LIMCH1: variants seen among roughly 807,000 people sequenced by gnomAD.
The protein encoded by LIMCH1 is LIM and calponin homology domains 1.
A neutral mutation model predicts 176.5 loss-of-function variants in LIMCH1; 113 were observed. The ratio of observed to expected loss-of-function variants is 0.64; its 90% CI spans 0.55 to 0.75. The LOEUF is 0.75. LIMCH1 is among the 30% of genes least tolerant of loss of function. LIMCH1 has a pLI of 0.00. For missense variants in LIMCH1, 1,674 were observed against 1,814.9 expected (o/e 0.92, Z 1.41); for synonymous variants, 619 against 645.9 (o/e 0.96, Z 0.63).
Position 41,593,956 on chromosome 4 carries a change from C to T in LIMCH1, c.-240-4964C>T, listed in dbSNP as rs895793702. On this transcript the variant is annotated intron_variant, in intron 1 of 31. Transcript: ENST00000503057. ...CTCTCTCTCTCTCCCTTCCCCCACA[C>T]GTGTGAACATATATATACATGCATA... Among the ~76,000 whole-genome samples, 8 of 151,926 alleles carry T rather than the reference C, an allele frequency of 5.3e-5. No individual in the cohort carries two copies. In the South Asian group the frequency reaches 1.7e-3, roughly 32 times the overall value.
At chr4:41,600,923 T>A (rs1041966782) in intron 2 of LIMCH1, among the ~76,000 whole-genome samples, 3 of 152,176 alleles carry the variant, frequency 2.0e-5, no homozygotes, top group Admixed American at 6.5e-5. Flanking sequence ...TCCTGTTGAT[T>A]TTTCCGTCTT....
At chr4:41,543,908 G>A (rs945380581) in intron 1 of LIMCH1, among the ~76,000 whole-genome samples, 4 of 152,160 alleles carry the variant, frequency 2.6e-5, no homozygotes, top group Non-Finnish European at 4.4e-5. Context: ...TAAAATGGGC[G>A]ATGGATTTTT....
At chr4:41,568,539 C>G (rs557247733) in intron 1 of LIMCH1, among the ~76,000 whole-genome samples, 3 of 152,054 alleles carry the variant, frequency 2.0e-5, no homozygotes, top group Non-Finnish European at 1.5e-5. Flanking sequence ...AAAACTAATG[C>G]GAGAAAAATA....
At chr4:41,450,825 T>A (rs962899745) in intron 1 of LIMCH1, among the ~76,000 whole-genome samples, 34 of 135,516 alleles carry the variant, frequency 2.5e-4, no homozygotes, top group African/African-American at 9.5e-4. Context: ...AAAAAAAAAG[T>A]TGTAGGGGAT....
At chr4:41,475,420 T>A (rs1247855937) in intron 1 of LIMCH1, among the ~76,000 whole-genome samples, 2 of 152,180 alleles carry the variant, frequency 1.3e-5, no homozygotes, top group African/African-American at 4.8e-5. Context: ...CTGGAGCCAG[T>A]TCATATGACT....
chr4:41,416,006 C>T (rs4076009), intron 1 of LIMCH1, among the ~76,000 whole-genome samples: 86,330 of 151,678 alleles, frequency 0.57, 27,892 homozygotes, highest in East Asian at 0.82. Flanking sequence ...ACTTGCCCAC[C>T]GATTAAACTG....
intron 1 of LIMCH1, among the ~76,000 whole-genome samples, chr4:41,571,911 C>G (rs2083624328): frequency 6.6e-6 from 1 of 152,068 alleles, no homozygotes; most frequent in Non-Finnish European, 1.5e-5. Context: ...GCCTGAAATT[C>G]CTTGAGGGGT....
chr4:41,450,231 A>G (rs1271817519), intron 1 of LIMCH1, among the ~76,000 whole-genome samples: 1 of 152,198 alleles, frequency 6.6e-6, no homozygotes, highest in African/African-American at 2.4e-5. Flanking sequence ...CTAGTTAGGA[A>G]CAAGATATAT....
intron 25 of LIMCH1, among the ~76,000 whole-genome samples, chr4:41,681,781 CATCCTGCAT>C (rs1242567797): frequency 6.6e-6 from 1 of 152,182 alleles, no homozygotes; most frequent in Non-Finnish European, 1.5e-5. Flanking sequence ...CAAACCTGCA[CATCCTGCAT>C]ATGTACCCCA....
intron 2 of LIMCH1, chr4:41,494,679 T>A: frequency 2.1e-6 from 2 of 952,396 alleles, no homozygotes; most frequent in Non-Finnish European, 3.2e-6. Flanking sequence ...GCTGTAAGAC[T>A]TCTAGTGTTT....
At chr4:41,514,945 GAGATTGTGTC>G (rs1448605668) in intron 2 of LIMCH1, among the ~76,000 whole-genome samples, 1 of 152,230 alleles carries the variant, frequency 6.6e-6, no homozygotes, top group Admixed American at 6.5e-5. Context: ...AACCACATCT[GAGATTGTGTC>G]AGCCCCACTG....
rs781324916 is a variant in LIMCH1 at position 41,662,860 on chromosome 4, C to A, written c.3167C>A (p.Pro1056Gln). ...ACAACAACTGTGACTCGATGCAGCC[C>A]GACCGTGGCCTTTGTGGAATTTCCC... is the stretch of plus-strand genomic sequence containing the variant. ...HFTTTVTRCS[P>Q]TVAFVEFPSS... Residue 1056 changes from proline (P) to glutamine (Q), a missense_variant, in exon 20 of 32, where the codon CCG becomes CAG. Around this residue, in one of 3 missense-constraint regions of LIMCH1, gnomAD observed 1,015 missense variants for 1,102.5 expected, o/e 0.92. Coordinates refer to ENST00000503057, the MANE Select transcript of LIMCH1 (RefSeq NM_001330672.2). The A allele has an allele frequency of 6.2e-7, 1 of 1,614,008 alleles. No homozygotes were observed. The highest frequency in any genetic ancestry group is 8.5e-7 in the Non-Finnish European group (1 of 1,179,972).
chr4:41,456,947 G>A (rs1470574981), intron 1 of LIMCH1, among the ~76,000 whole-genome samples: 2 of 152,130 alleles, frequency 1.3e-5, no homozygotes, highest in African/African-American at 2.4e-5. Flanking sequence ...GTTTCAAGGT[G>A]TGAAGACAAT....
At chr4:41,372,143 T>C (rs1218273813) in intron 1 of LIMCH1, among the ~76,000 whole-genome samples, 2 of 152,204 alleles carry the variant, frequency 1.3e-5, no homozygotes, top group Non-Finnish European at 1.5e-5. Flanking sequence ...TTTCCTCTCA[T>C]CTCCATAATG....
At chr4:41,448,607 A>G (rs2063518025) in intron 1 of LIMCH1, among the ~76,000 whole-genome samples, 1 of 152,138 alleles carries the variant, frequency 6.6e-6, no homozygotes. Context: ...CATTTTATCA[A>G]TTTAAAATAT....
chr4:41,633,175 G>A, intron 12 of LIMCH1, 90 bp downstream of exon 12: 1 of 878,752 alleles, frequency 1.1e-6, no homozygotes, highest in Non-Finnish European at 1.8e-6. Context: ...TAAAGTCACA[G>A]TCTGCACCTG....
chr4:41,459,796 A>G (rs371007776), intron 1 of LIMCH1, among the ~76,000 whole-genome samples: 49 of 152,266 alleles, frequency 3.2e-4, no homozygotes, highest in African/African-American at 1.0e-3. Flanking sequence ...AGGGGCTGCT[A>G]AGTGGGAGCT....
chr4:41,440,854 A>G (rs1328198069), intron 1 of LIMCH1, among the ~76,000 whole-genome samples: 1 of 152,190 alleles, frequency 6.6e-6, no homozygotes, highest in Non-Finnish European at 1.5e-5. Flanking sequence ...TATTGATAAT[A>G]TAGCAGACCT....
rs36212568 is a variant in LIMCH1, at chr4:41,505,925, G to GACACACACACACACACACACACAC, written c.167+11340_167+11363dup. On this transcript the variant is annotated intron_variant, in intron 2 of 26. Transcript: ENST00000313860. The stretch of plus-strand genomic sequence containing the variant: ...TATTATTCTCTCTCTCTGTGTTTCT[G>GACACACACACACACACACACACAC]ACACACACACACACACACACACACA... Among the ~76,000 whole-genome samples, 11 of 134,658 alleles carry GACACACACACACACACACACACAC rather than the reference G, an allele frequency of 8.2e-5. 1 individual carries two copies. The highest frequency in any genetic ancestry group is 2.3e-4 in the African/African-American group (8 of 35,070). The allele number at this position is 134,658 out of a possible 152,430, so 88.3% of individuals were successfully genotyped here.
Sources: allele counts gnomAD v4.1 joint callset (sites outside exome capture counted in the v4.1 genomes callset), GRCh38; gene constraint gnomAD v4.1.1; regional missense constraint gnomAD v4.1.1; transcripts MANE v1.5; gene names NCBI Gene and HGNC (gene_info 2026-07-23, HGNC 2026-07-21).